FNDC3B: variants seen among roughly 807,000 people sequenced by gnomAD.
FNDC3B encodes fibronectin type III domain containing 3B.
Under a neutral mutation model 151.5 loss-of-function variants are expected in FNDC3B, and 12 were observed. That is an observed-to-expected ratio of 0.08 (90% CI 0.05 to 0.13). FNDC3B has a LOEUF of 0.13. Ranked by LOEUF, FNDC3B falls within the 10% of genes least tolerant of loss-of-function variation. The pLI is 1.00. For synonymous variants in FNDC3B, 528 were observed against 549.0 expected, an observed-to-expected ratio of 0.96 and a Z score of 0.54; for missense variants, 1,214 against 1,505.3, an observed-to-expected ratio of 0.81 and a Z score of 3.20.
At chr3:172,303,752 T>C (rs748577978) in intron 9 of FNDC3B, among the ~76,000 whole-genome samples, 3 of 152,206 alleles carry the variant, frequency 2.0e-5, no homozygotes, top group South Asian at 2.1e-4. Context: ...CAGTATTCTT[T>C]TAAAATGTAG....
At chr3:172,227,093 C>A in intron 4 of FNDC3B, 146 bp downstream of exon 4, 1 of 597,990 alleles carries the variant, frequency 1.7e-6, no homozygotes, top group Non-Finnish European at 3.1e-6. Context: ...CACCACATGG[C>A]GTTTCTTGTG....
chr3:172,127,188 GT>G, intron 2 of FNDC3B: 1 of 424,000 alleles, frequency 2.4e-6, no homozygotes, highest in Non-Finnish European at 4.7e-6. Flanking sequence ...AGAAAAAGAA[GT>G]TGGGGGTAGA....
At chr3:172,212,243 G>A (rs1400502780) in intron 3 of FNDC3B, among the ~76,000 whole-genome samples, 1 of 152,206 alleles carries the variant, frequency 6.6e-6, no homozygotes, top group Non-Finnish European at 1.5e-5. Context: ...ATGGAACTCT[G>A]TTAATGACTC....
intron 1 of FNDC3B, among the ~76,000 whole-genome samples, chr3:172,071,507 G>A (rs1717770732): frequency 6.6e-6 from 1 of 152,072 alleles, no homozygotes. Context: ...TGGTTTATAT[G>A]TGTATATAGT....
At chr3:172,051,849 G>GAAT (rs1716668955) in intron 1 of FNDC3B, among the ~76,000 whole-genome samples, 1 of 152,142 alleles carries the variant, frequency 6.6e-6, no homozygotes, top group South Asian at 2.1e-4. Flanking sequence ...GTTCTTCAGA[G>GAAT]AATACATGAC....
rs141149989 is a variant in FNDC3B at position 172,069,687 on chromosome 3, G to T, written c.-29+29916G>T. Among the ~76,000 whole-genome samples the T allele has an allele frequency of 9.2e-3, 1,398 of 152,246 alleles. 25 individuals carry two copies. Among genetic ancestry groups the T allele is most frequent in the African/African-American group, 0.032 (1,345 of 41,524 alleles). On this transcript the variant is annotated intron_variant, in intron 1 of 25. Transcript: ENST00000415807. ...TTGATGCTCTGGCCAGGTGGCTCTT[G>T]TTTCAGCTTCACTGGGAGGGAGTTG... is the stretch of plus-strand genomic sequence containing the variant.
At chr3:172,178,844 T>C (rs1723740841) in intron 3 of FNDC3B, among the ~76,000 whole-genome samples, 1 of 152,204 alleles carries the variant, frequency 6.6e-6, no homozygotes, top group African/African-American at 2.4e-5. Context: ...CTTCAGGGTC[T>C]TTTTCTTCCA....
At chr3:172,395,880 A>G (rs1004340487) in intron 25 of FNDC3B, among the ~76,000 whole-genome samples, 3 of 152,138 alleles carry the variant, frequency 2.0e-5, no homozygotes, top group African/African-American at 7.2e-5. Context: ...TACCATTCGC[A>G]CCCTCTAGGA....
At chr3:172,373,068 A>G (rs889743191) in intron 23 of FNDC3B, among the ~76,000 whole-genome samples, 1 of 152,146 alleles carries the variant, frequency 6.6e-6, no homozygotes, top group Non-Finnish European at 1.5e-5. Context: ...AGTCCTTCTC[A>G]GCAGCCTAGA....
At chr3:172,200,038 A>G (rs1371514902) in intron 3 of FNDC3B, among the ~76,000 whole-genome samples, 2 of 91,808 alleles carry the variant, frequency 2.2e-5, no homozygotes, top group African/African-American at 6.9e-5. Flanking sequence ...TTCATTCTCT[A>G]ACCCATTATT....
intron 2 of FNDC3B, among the ~76,000 whole-genome samples, chr3:172,121,550 C>T (rs1374991340): frequency 6.6e-6 from 1 of 152,172 alleles, no homozygotes; most frequent in Non-Finnish European, 1.5e-5. Flanking sequence ...AGTTAGGAGA[C>T]ATTAAACACA....
intron 6 of FNDC3B, among the ~76,000 whole-genome samples, chr3:172,282,910 C>G (rs1286076458): frequency 6.6e-6 from 1 of 152,244 alleles, no homozygotes; most frequent in African/African-American, 2.4e-5. Context: ...CTTCCTCAGT[C>G]AACAAAGACA....
intron 1 of FNDC3B, among the ~76,000 whole-genome samples, chr3:172,066,510 G>A (rs1717505377): frequency 6.6e-6 from 1 of 150,964 alleles, no homozygotes; most frequent in South Asian, 2.1e-4. Flanking sequence ...GTCCTTTCAG[G>A]ACAGAGGTGG....
At chr3:172,054,403 G>A (rs2108462405) in intron 1 of FNDC3B, among the ~76,000 whole-genome samples, 2 of 152,262 alleles carry the variant, frequency 1.3e-5, no homozygotes, top group South Asian at 4.2e-4. Context: ...TGTAGGGCTC[G>A]ACTCCATCTT....
At chr3:172,179,940 T>A (rs1255436572) in intron 3 of FNDC3B, among the ~76,000 whole-genome samples, 1 of 150,864 alleles carries the variant, frequency 6.6e-6, no homozygotes, top group African/African-American at 2.4e-5. Context: ...ATCTCTCTGA[T>A]GAGGGGTGTG....
intron 4 of FNDC3B, among the ~76,000 whole-genome samples, chr3:172,230,133 G>A (rs1280430076): frequency 4.6e-5 from 7 of 151,850 alleles, no homozygotes; most frequent in African/African-American, 1.7e-4. Flanking sequence ...AGCAACAAGA[G>A]AAAAAAATAG....
At chr3:172,164,164 A>T (rs1437545177) in intron 3 of FNDC3B, among the ~76,000 whole-genome samples, 1 of 152,212 alleles carries the variant, frequency 6.6e-6, no homozygotes, top group Non-Finnish European at 1.5e-5. Flanking sequence ...GATCACTTAG[A>T]TGATGAGTAC....
intron 2 of FNDC3B, among the ~76,000 whole-genome samples, chr3:172,129,631 C>T (rs1720971776): frequency 6.6e-6 from 1 of 152,096 alleles, no homozygotes; most frequent in African/African-American, 2.4e-5. Context: ...ACTTATTTTT[C>T]ATTAAACTTT....
intron 24 of FNDC3B, among the ~76,000 whole-genome samples, chr3:172,379,558 G>T (rs1735329743): frequency 6.6e-6 from 1 of 152,202 alleles, no homozygotes. Context: ...AGACTCTTTG[G>T]CAGACCCTTC....
Sources: allele counts gnomAD v4.1 joint callset (sites outside exome capture counted in the v4.1 genomes callset), GRCh38; gene constraint gnomAD v4.1.1; transcripts MANE v1.5; gene names NCBI Gene and HGNC (gene_info 2026-07-23, HGNC 2026-07-21).